The following SLC4A1 variants were observed in gnomAD, a reference collection of about 807,000 sequenced individuals.
SLC4A1 encodes the protein band 3 anion transport protein.
In SLC4A1, 29 loss-of-function variants were observed where a neutral mutation model predicts 93.1. That is an observed-to-expected ratio of 0.31 (90% CI 0.23 to 0.42). The LOEUF (loss-of-function observed/expected upper bound fraction) is 0.42. Ranked by LOEUF, SLC4A1 falls within the 20% of genes least tolerant of loss-of-function variation. The pLI is 1.00. For missense variants in SLC4A1, 965 were observed against 1,190.1 expected (o/e 0.81, Z 2.78); for synonymous variants, 469 against 497.2 (o/e 0.94, Z 0.76).
intron 16 of SLC4A1, among the ~76,000 whole-genome samples, 188 bp from the exon 17 acceptor site, chr17:44,253,559 C>A (rs2047362026): frequency 7.1e-6 from 1 of 140,090 alleles, no homozygotes; most frequent in South Asian, 2.4e-4. Context: ...GAAATGTCTT[C>A]ACAACATTCA....
intron 1 of SLC4A1, among the ~76,000 whole-genome samples, chr17:44,266,997 T>G (rs1370537567): frequency 6.6e-6 from 1 of 151,906 alleles, no homozygotes. Flanking sequence ...TTCTGTGAAG[T>G]GGTTTGGGGA....
chr17:44,268,031 C>T (rs1046600494), intron 1 of SLC4A1, 23 bp downstream of exon 1: 1 of 978,770 alleles, frequency 1.0e-6, no homozygotes, highest in East Asian at 1.1e-4. Flanking sequence ...GGACCATCCC[C>T]AGCCCCTCCC....
chr17:44,262,097 T>TTGG, intron 3 of SLC4A1: 4 of 1,042,572 alleles, frequency 3.8e-6, no homozygotes, highest in Non-Finnish European at 4.7e-6. Flanking sequence ...CCCCTTATAT[T>TTGG]CCCACCCCTC....
At chr17:44,250,624 T>G (rs982291794) in intron 19 of SLC4A1, 86 bp from the exon 20 acceptor site, 1 of 998,454 alleles carries the variant, frequency 1.0e-6, no homozygotes, top group African/African-American at 1.6e-5. Context: ...ACCTCTGGAG[T>G]TAGGAGAGGG....
chr17:44,265,468 C>T (rs963120262), intron 1 of SLC4A1, among the ~76,000 whole-genome samples: 1 of 152,134 alleles, frequency 6.6e-6, no homozygotes, highest in Non-Finnish European at 1.5e-5. Flanking sequence ...CTCCTGGGTT[C>T]ACGCCATTCT....
At position 44,248,849 on chromosome 17, in the gene SLC4A1, G is replaced by GTT. The variant is rs57466226; in HGVS notation, c.*1607_*1608dup. The stretch of plus-strand genomic sequence containing the variant: ...GCCCCCAAGGCTGATGTTTCCTTCC[G>GTT]TTTTTTTTTTTTTTTTTTTTTTTTT... On this transcript the variant is annotated 3_prime_UTR_variant, in exon 20 of 20. Coordinates refer to ENST00000262418, the MANE Select transcript of SLC4A1 (RefSeq NM_000342.4). 510 of 71,764 alleles carry GTT rather than the reference G, an allele frequency of 7.1e-3. 117 individuals are homozygous for GTT. The highest frequency in any genetic ancestry group is 0.021 in the African/African-American group (267 of 12,818). 4.4% of individuals were successfully genotyped at this position (71,764 alleles called of 1,614,324 possible).
rs367854785 is a variant in SLC4A1 at position 44,260,539 on chromosome 17, C to T, written c.350G>A (p.Gly117Asp). Residue 117 changes from glycine to aspartate, a missense_variant and splice_region_variant, in exon 6 of 20, where the codon GGT becomes GAT. By Grantham distance (94) the Gly-to-Asp change is moderately conservative. This residue lies in a region of SLC4A1 where 195 missense variants were observed against 183.5 expected (regional missense o/e 1.06). Transcript: ENST00000262418. ...CTCTTGCAGGTCTAGGAGGACAGTACCTGCAGGCAGTGGAGGAGTGAGCTG... is the reference window on the plus strand; with the variant it reads ...CTCTTGCAGGTCTAGGAGGACAGTATCTGCAGGCAGTGGAGGAGTGAGCTG... ...LLELRRVFTK[G>D]TVLLDLQETS... is the part of the protein sequence containing the mutation. 6 of 1,614,158 alleles carry T rather than the reference C, an allele frequency of 3.7e-6. No individual in the cohort carries two copies. The highest frequency in any genetic ancestry group is 1.1e-5 in the South Asian group (1 of 91,082).
chr17:44,256,961 C>T (rs2047394493), intron 13 of SLC4A1, among the ~76,000 whole-genome samples: 1 of 151,608 alleles, frequency 6.6e-6, no homozygotes, highest in Non-Finnish European at 1.5e-5. Flanking sequence ...AAATGCTGCA[C>T]AGACACATGT....
At chr17:44,259,374 C>A (rs1598301055) in intron 8 of SLC4A1, 30 bp from the exon 9 acceptor site, 1 of 1,612,274 alleles carries the variant, frequency 6.2e-7, no homozygotes, top group East Asian at 2.2e-5. Context: ...TCAGGCCAGG[C>A]CGAGGAGCCC....
At chr17:44,256,009 C>T (rs1368366642) in intron 13 of SLC4A1, among the ~76,000 whole-genome samples, 163 bp from the exon 14 acceptor site, 1 of 152,136 alleles carries the variant, frequency 6.6e-6, no homozygotes, top group East Asian at 1.9e-4. Context: ...TATCCATTAT[C>T]CATTGATCAT....
intron 13 of SLC4A1, among the ~76,000 whole-genome samples, chr17:44,256,868 C>T (rs1316518816): frequency 6.6e-6 from 1 of 152,214 alleles, no homozygotes. Context: ...GACATAGACA[C>T]ATATGTTGAC....
At chr17:44,263,062 G>T in intron 1 of SLC4A1, 128 bp from the exon 2 acceptor site, 1 of 767,584 alleles carries the variant, frequency 1.3e-6, no homozygotes, top group Non-Finnish European at 2.2e-6. Context: ...GAGGAAGGAA[G>T]TGTGGAGGGA....
chr17:44,263,917 G>A (rs1433087776), intron 1 of SLC4A1, among the ~76,000 whole-genome samples: 1 of 151,882 alleles, frequency 6.6e-6, no homozygotes, highest in African/African-American at 2.4e-5. Flanking sequence ...TTATAGGCAT[G>A]CCACAGTGCC....
chr17:44,250,572 G>T, intron 19 of SLC4A1, 34 bp from the exon 20 acceptor site: 1 of 1,561,540 alleles, frequency 6.4e-7, no homozygotes. Context: ...GACAGGGTGA[G>T]AGACCCTGGG....
chr17:44,261,048 G>A (rs1195476344), intron 4 of SLC4A1, among the ~76,000 whole-genome samples: 1 of 152,228 alleles, frequency 6.6e-6, no homozygotes, highest in Non-Finnish European at 1.5e-5. Context: ...AGGCCACTGG[G>A]GAGGGAAAGG....
In SLC4A1 at chr17:44,248,972, G is replaced by T. The variant is rs2047316759; in HGVS notation, c.*1486C>A. ...CCTCCTGGGTTCAGGTGATTCTCTT[G>T]CCTCAGCCTTCTAAGTAGCTGGGAT... On this transcript the variant is annotated 3_prime_UTR_variant, in exon 20 of 20. Transcript: ENST00000262418. 3.2e-6 allele frequency: 1 copy of T among 316,132 alleles called. No individual in the cohort carries two copies. 19.6% of individuals were successfully genotyped at this position (316,132 alleles called of 1,614,324 possible). A position where few individuals can be genotyped will look rare whatever the true frequency, so the allele number is the denominator to read the frequency against.
intron 4 of SLC4A1, 119 bp downstream of exon 4, chr17:44,261,456 C>T: frequency 1.3e-6 from 2 of 1,537,934 alleles, no homozygotes; most frequent in South Asian, 1.1e-5. Context: ...ACTCCTCTAT[C>T]TGCTGCAGGG....
rs867756325 is a variant in SLC4A1 at position 44,262,717 on chromosome 17, C to T, written c.25G>A (p.Glu9Lys). The T allele has an allele frequency of 6.2e-7, 1 of 1,614,132 alleles. No homozygotes were observed. Among genetic ancestry groups the T allele is most frequent in the Non-Finnish European group, 8.5e-7 (1 of 1,179,954 alleles). Residue 9 changes from glutamate to lysine, a missense_variant, in exon 3 of 20, where the codon GAA (glutamate) becomes AAA (lysine). This residue lies in a region of SLC4A1 where 195 missense variants were observed against 183.5 expected (regional missense o/e 1.06). Transcript: ENST00000262418. MEELQDDY[E>K]DMMEENLEQE... ...TCCAGATTCTCCTCCATCATGTCTT[C>T]ATAATCATCCTGTGGGAAGTGGCCG...
At position 44,261,603 on chromosome 17, in the gene SLC4A1, T is replaced by C; in HGVS notation, c.140A>G (p.His47Arg). 2.5e-6 allele frequency: 4 copies of C among 1,614,090 alleles called. No individual in the cohort carries two copies. The highest frequency in any genetic ancestry group is 3.4e-6 in the Non-Finnish European group (4 of 1,179,992). Residue 47 changes from histidine (H) to arginine (R), a missense_variant, in exon 4 of 20, where the codon CAC becomes CGC. Physicochemically the swap from His to Arg is conservative, Grantham distance 29. Coordinates refer to ENST00000262418, the MANE Select transcript of SLC4A1 (RefSeq NM_000342.4). ...GTGGGTACCCGGGTGTGATGTGGTG[T>C]GGTAGTCTGTGGCTGTTGCCTCGGT... ...HDTEATATDY[H>R]TTSHPGTHKV... is the part of the protein sequence containing the mutation.
Sources: allele counts gnomAD v4.1 joint callset (sites outside exome capture counted in the v4.1 genomes callset), GRCh38; gene constraint gnomAD v4.1.1; regional missense constraint gnomAD v4.1.1; transcripts MANE v1.5; gene names NCBI Gene and HGNC (gene_info 2026-07-23, HGNC 2026-07-21).